The following RAPGEF2 variants were observed in gnomAD, a reference collection of about 807,000 sequenced individuals.
The protein encoded by RAPGEF2 is PDZ domain containing guanine nucleotide exchange factor (GEF) 1.
A neutral mutation model predicts 186.7 loss-of-function variants in RAPGEF2; 54 were observed. That is an observed-to-expected ratio of 0.29 (90% confidence interval 0.23 to 0.36). RAPGEF2 has a LOEUF of 0.36. RAPGEF2 is among the 10% of genes least tolerant of loss of function. RAPGEF2 has a pLI of 1.00. For missense variants in RAPGEF2, 1,532 were observed against 2,045.0 expected, an observed-to-expected ratio of 0.75 and a Z score of 4.84; for synonymous variants, 712 against 705.9, an observed-to-expected ratio of 1.01 and a Z score of -0.14.
chr4:159,222,419 C>T (rs1751630957), intron 4 of RAPGEF2, among the ~76,000 whole-genome samples: 1 of 152,156 alleles, frequency 6.6e-6, no homozygotes, highest in Admixed American at 6.5e-5. Flanking sequence ...TGTTTGTGAT[C>T]CTTGCTATAA....
chr4:159,348,081 C>T (rs888339301), intron 25 of RAPGEF2, among the ~76,000 whole-genome samples: 1 of 152,036 alleles, frequency 6.6e-6, no homozygotes, highest in East Asian at 1.9e-4. Flanking sequence ...CTTAGCCTGG[C>T]GTGATGGCGC....
At position 159,304,401 on chromosome 4, in the gene RAPGEF2, C is replaced by T. The variant is rs200475351; in HGVS notation, c.603C>T (p.His201=). 3.8e-5 allele frequency: 61 copies of T among 1,602,292 alleles called. No homozygotes were observed. Among genetic ancestry groups the T allele is most frequent in the African/African-American group, 1.2e-4 (9 of 74,704 alleles). Residue 201 remains histidine, a synonymous_variant, in exon 8 of 30, where the codon CAC becomes CAT. Transcript: ENST00000691494. ...ACAGTCTCCACCCACAGGTGACCCA[C>T]GTTTCTTCTAGCCATTCAGGATGTA... is the stretch of plus-strand genomic sequence containing the variant. ...LTDSLHPQVT[H]VSSSHSGCSI... is the part of the protein sequence containing the mutation.
chr4:159,159,355 C>A (rs1744458705), intron 1 of RAPGEF2, among the ~76,000 whole-genome samples: 1 of 152,078 alleles, frequency 6.6e-6, no homozygotes, highest in Non-Finnish European at 1.5e-5. Flanking sequence ...GGAGAAAATT[C>A]TTTTATTTTG....
intron 7 of RAPGEF2, among the ~76,000 whole-genome samples, chr4:159,284,395 C>T (rs1489586938): frequency 6.6e-6 from 1 of 151,694 alleles, no homozygotes; most frequent in South Asian, 2.1e-4. Context: ...AATTGAGCAC[C>T]TTAAGAATTT....
intron 1 of RAPGEF2, among the ~76,000 whole-genome samples, chr4:159,152,186 G>GTGT (rs144538226): frequency 0.023 from 3,551 of 152,224 alleles, 64 homozygotes; most frequent in Admixed American, 0.051. Flanking sequence ...GCCAGGCATA[G>GTGT]TGTTGCACGC....
At chr4:159,230,645 G>A (rs1398712799) in intron 4 of RAPGEF2, among the ~76,000 whole-genome samples, 3 of 152,144 alleles carry the variant, frequency 2.0e-5, no homozygotes, top group Non-Finnish European at 4.4e-5. Flanking sequence ...CTTTGCGGGG[G>A]TAACCCTAAA....
At chr4:159,351,092 C>T in intron 26 of RAPGEF2, 1 of 1,534,506 alleles carries the variant, frequency 6.5e-7, no homozygotes, top group Non-Finnish European at 8.7e-7. Flanking sequence ...TCTTTTGGCT[C>T]CGGGCAGTTG....
chr4:159,233,514 T>C (rs1345251394), intron 4 of RAPGEF2, among the ~76,000 whole-genome samples: 1 of 152,100 alleles, frequency 6.6e-6, no homozygotes, highest in East Asian at 1.9e-4. Flanking sequence ...AAGTGAAGTA[T>C]CTCAGGAATG....
chr4:159,301,455 A>G (rs1027169702), intron 7 of RAPGEF2, among the ~76,000 whole-genome samples: 1 of 152,232 alleles, frequency 6.6e-6, no homozygotes, highest in Non-Finnish European at 1.5e-5. Flanking sequence ...CATGGCATCT[A>G]TTCTTACATA....
chr4:159,312,248 T>C (rs558717314), intron 8 of RAPGEF2, among the ~76,000 whole-genome samples: 3 of 152,320 alleles, frequency 2.0e-5, no homozygotes, highest in Admixed American at 6.5e-5. Flanking sequence ...CTTTCTTCAC[T>C]CTATGCTAAT....
intron 1 of RAPGEF2, among the ~76,000 whole-genome samples, chr4:159,149,030 G>A (rs1253745690): frequency 6.6e-6 from 1 of 152,110 alleles, no homozygotes; most frequent in Non-Finnish European, 1.5e-5. Context: ...GCCTCTCTAA[G>A]GCTGGAAGAG....
chr4:159,240,497 C>T (rs1753847767), intron 5 of RAPGEF2, among the ~76,000 whole-genome samples: 1 of 151,888 alleles, frequency 6.6e-6, no homozygotes, highest in East Asian at 1.9e-4. Flanking sequence ...CCACACCCAG[C>T]TACTTTTTTG....
chr4:159,159,809 C>T (rs1744513761), intron 1 of RAPGEF2, among the ~76,000 whole-genome samples: 1 of 152,182 alleles, frequency 6.6e-6, no homozygotes, highest in African/African-American at 2.4e-5. Context: ...CGTATAGCAG[C>T]ATCCTATTTA....
chr4:159,306,297 A>G (rs191051805), intron 8 of RAPGEF2, among the ~76,000 whole-genome samples: 11 of 152,066 alleles, frequency 7.2e-5, no homozygotes, highest in South Asian at 4.2e-4. Flanking sequence ...GTCATCTACA[A>G]TTTCTTTCAT....
chr4:159,187,869 C>T (rs1352396025), intron 2 of RAPGEF2, among the ~76,000 whole-genome samples: 1 of 152,108 alleles, frequency 6.6e-6, no homozygotes, highest in Non-Finnish European at 1.5e-5. Flanking sequence ...ATATATTTCC[C>T]CTTTACTCTT....
Position 159,341,667 on chromosome 4 carries a change from G to A in RAPGEF2, c.2638G>A (p.Val880Met), listed in dbSNP as rs763428581. 1.9e-6 allele frequency: 3 copies of A among 1,614,006 alleles called. No homozygotes were observed. The highest frequency in any genetic ancestry group is 2.7e-5 in the African/African-American group (2 of 74,932). Reference protein sequence around the residue: ...SQISLLQLSTVEVATQLSMRN... With the variant: ...SQISLLQLSTMEVATQLSMRN... Reference sequence around the variant, plus strand: ...AATTTCCCTCCTTCAGCTCAGCACTGTGGAAGTTGCAACACAGCTCTCTAT... The same window carrying A: ...AATTTCCCTCCTTCAGCTCAGCACTATGGAAGTTGCAACACAGCTCTCTAT... The change falls in exon 20 of 30, where the codon GTG becomes ATG. Residue 880 changes from valine to methionine, a missense_variant. Coordinates refer to ENST00000691494, the MANE Select transcript of RAPGEF2 (RefSeq NM_001394067.2).
chr4:159,119,706 G>A (rs1475469378), intron 1 of RAPGEF2, among the ~76,000 whole-genome samples: 1 of 152,118 alleles, frequency 6.6e-6, no homozygotes, highest in Admixed American at 6.6e-5. Flanking sequence ...TTTACAAATA[G>A]GGATAAAAAT....
intron 9 of RAPGEF2, among the ~76,000 whole-genome samples, chr4:159,315,504 C>G (rs1764469589): frequency 6.6e-6 from 1 of 152,032 alleles, no homozygotes; most frequent in Non-Finnish European, 1.5e-5. Context: ...AGACACAAGA[C>G]AAAGAGATAA....
intron 9 of RAPGEF2, among the ~76,000 whole-genome samples, chr4:159,317,806 T>A (rs1302687788): frequency 6.7e-6 from 1 of 148,894 alleles, no homozygotes. Context: ...ATAGGTGCTT[T>A]AAAAAAAAAA....
Sources: gnomAD v4.1 joint callset for allele counts (sites outside exome capture counted in the v4.1 genomes callset) on GRCh38, gnomAD v4.1.1 for gene constraint, MANE v1.5 for transcripts, NCBI Gene and HGNC (gene_info 2026-07-23, HGNC 2026-07-21) for gene names.